The following FBN2 variants were observed in gnomAD, a reference collection of about 807,000 sequenced individuals.
FBN2 encodes the protein fibrillin-2.
FBN2 carries 105 observed loss-of-function variants against 355.6 expected under a neutral mutation model. The observed-to-expected ratio is 0.30, with a 90% CI of 0.25 to 0.35. The LOEUF (loss-of-function observed/expected upper bound fraction) is 0.35, where lower values mean the gene tolerates loss of function less well. Ranked by LOEUF, FBN2 falls within the 10% of genes least tolerant of loss-of-function variation. The probability of loss-of-function intolerance (pLI) is 1.00; values close to 1 mark genes in which losing one functional copy is unlikely to be tolerated. For synonymous variants in FBN2, 1,350 were observed against 1,301.2 expected (o/e 1.04, Z -0.81); for missense variants, 3,280 against 3,758.7 (o/e 0.87, Z 3.33).
At chr5:128,459,336 GA>G (rs1471924477) in intron 6 of FBN2, among the ~76,000 whole-genome samples, 6 of 152,206 alleles carry the variant, frequency 3.9e-5, no homozygotes, top group Middle Eastern at 3.4e-3. Flanking sequence ...AAAACCTCAG[GA>G]CCAGACGGAT....
intron 21 of FBN2, among the ~76,000 whole-genome samples, chr5:128,350,287 C>T (rs563895296): frequency 4.6e-5 from 7 of 152,240 alleles, no homozygotes; most frequent in Non-Finnish European, 8.8e-5. Context: ...AGGTCAGGCG[C>T]GGTGGCTCAC....
At chr5:128,280,420 ATAC>A (rs1765505500) in intron 55 of FBN2, 103 bp from the exon 56 acceptor site, 1 of 851,568 alleles carries the variant, frequency 1.2e-6, no homozygotes, top group Non-Finnish European at 2.0e-6. Flanking sequence ...CTTTGCCAAA[ATAC>A]TAATATGATG....
chr5:128,430,168 T>G (rs538444986), intron 7 of FBN2, among the ~76,000 whole-genome samples: 2 of 152,252 alleles, frequency 1.3e-5, no homozygotes, highest in South Asian at 4.1e-4. Flanking sequence ...AAATATTACT[T>G]GCAAATATTT....
rs562457772 is a variant in FBN2, at chr5:128,404,145, C to A, written c.1078+4529G>T. Among the ~76,000 whole-genome samples the A allele has an allele frequency of 7.9e-5, 12 of 152,254 alleles. No individual in the cohort carries two copies. In the East Asian group the frequency reaches 1.3e-3, roughly 17 times the overall value. ...ATGTGGTTAGAAAATAAATAGCGTG[C>A]AAATATCTCCAACATATATAATTCA... is the stretch of plus-strand genomic sequence containing the variant. On this transcript the variant is annotated intron_variant, in intron 8 of 64. Coordinates refer to ENST00000262464, the MANE Select transcript of FBN2 (RefSeq NM_001999.4).
At chr5:128,463,300 T>A (rs564276889) in intron 6 of FBN2, among the ~76,000 whole-genome samples, 1 of 152,148 alleles carries the variant, frequency 6.6e-6, no homozygotes, top group East Asian at 1.9e-4. Flanking sequence ...CTAATATTCA[T>A]ACCAAAACAT....
chr5:128,428,790 C>T (rs1281665768), intron 7 of FBN2, among the ~76,000 whole-genome samples: 2 of 152,160 alleles, frequency 1.3e-5, no homozygotes, highest in South Asian at 2.1e-4. Flanking sequence ...GACGGAACTC[C>T]GTAAATATAT....
chr5:128,280,246 T>C lies in FBN2; in HGVS notation c.7084A>G (p.Arg2362Gly), dbSNP rs1311747876. The change falls in exon 56 of 65, where the codon AGA becomes GGA. Residue 2362 changes from arginine (R) to glycine (G), a missense_variant. This residue lies in a region of FBN2 where 2,284 missense variants were observed against 2,749.5 expected (regional missense o/e 0.83). Coordinates refer to ENST00000262464, the MANE Select transcript of FBN2 (RefSeq NM_001999.4). ...TGGAATCCTTCATTACACTCACATC[T>C]ATAGCTTCCAATAATGTTAACACAA... is the stretch of plus-strand genomic sequence containing the variant. ...GRCVNIIGSY[R>G]CECNEGFQSS... is the part of the protein sequence containing the mutation. 6.2e-7 allele frequency: 1 copy of C among 1,611,512 alleles called. No homozygotes were observed.
intron 34 of FBN2, among the ~76,000 whole-genome samples, chr5:128,325,519 G>A (rs1335073726): frequency 2.0e-5 from 3 of 152,130 alleles, no homozygotes; most frequent in Non-Finnish European, 4.4e-5. Context: ...CGTGAGATGC[G>A]TTGCCTTTTC....
At chr5:128,284,340 A>T (rs1749074245) in intron 55 of FBN2, among the ~76,000 whole-genome samples, 1 of 152,154 alleles carries the variant, frequency 6.6e-6, no homozygotes, top group South Asian at 2.1e-4. Flanking sequence ...ATGAACCTAG[A>T]TTGCTAACAT....
chr5:128,394,133 A>G (rs1354933284), intron 9 of FBN2, among the ~76,000 whole-genome samples: 3 of 152,204 alleles, frequency 2.0e-5, no homozygotes, highest in African/African-American at 7.2e-5. Context: ...TTAATGTGTC[A>G]TGATATCTTT....
intron 25 of FBN2, among the ~76,000 whole-genome samples, chr5:128,343,407 TG>T (rs758555448): frequency 2.6e-5 from 4 of 151,892 alleles, no homozygotes; most frequent in Non-Finnish European, 5.9e-5. Context: ...TGGACAGCTG[TG>T]AAAAGCTCAG....
intron 5 of FBN2, among the ~76,000 whole-genome samples, chr5:128,502,474 A>G (rs1040415492): frequency 5.9e-5 from 9 of 152,196 alleles, no homozygotes; most frequent in Non-Finnish European, 1.2e-4. Context: ...AGTTAAACTT[A>G]TCCAAGTTGG....
intron 5 of FBN2, among the ~76,000 whole-genome samples, chr5:128,477,157 C>T (rs1170873956): frequency 6.6e-6 from 1 of 152,080 alleles, no homozygotes; most frequent in Admixed American, 6.5e-5. Flanking sequence ...AATTTAAATT[C>T]CATAAAGTAA....
At position 128,537,947 on chromosome 5, in the gene FBN2, C is replaced by T. The variant is rs564044015; in HGVS notation, c.-344G>A. 3 of 355,648 alleles carry T rather than the reference C, an allele frequency of 8.4e-6. No individual in the cohort carries two copies. The South Asian group carries it at 1.8e-4, about 22-fold the overall frequency. 22.0% of individuals were successfully genotyped at this position (355,648 alleles called of 1,614,324 possible). On this transcript the variant is annotated 5_prime_UTR_variant, in exon 1 of 65. Coordinates refer to ENST00000262464, the MANE Select transcript of FBN2 (RefSeq NM_001999.4). ...GGGGAGGAAATTACAAAAGCCCTGG[C>T]GTAAAATTTCAAAAAATGTGAACCT...
rs146480747 is a variant in FBN2, at chr5:128,482,446, T to C, written c.629-17525A>G. Among the ~76,000 whole-genome samples, 1,011 of 152,314 alleles carry C rather than the reference T, an allele frequency of 6.6e-3. 55 individuals carry two copies. The highest frequency in any genetic ancestry group is 0.054 in the Admixed American group (819 of 15,292). On this transcript the variant is annotated intron_variant, in intron 5 of 64. Coordinates refer to ENST00000262464, the MANE Select transcript of FBN2 (RefSeq NM_001999.4). ...ATTCAATGATCTACCCAATGCATTCTTTTATTATTTTTAGTTCAATGAGGC... is the reference window on the plus strand; with the variant it reads ...ATTCAATGATCTACCCAATGCATTCCTTTATTATTTTTAGTTCAATGAGGC...
chr5:128,339,172 A>C (rs2126904099), intron 25 of FBN2, 111 bp from the exon 26 acceptor site: 2 of 1,112,512 alleles, frequency 1.8e-6, no homozygotes, highest in East Asian at 4.9e-5. Context: ...CTAACAGTAC[A>C]AGGGTATGTT....
chr5:128,283,039 C>T (rs935605914), intron 55 of FBN2, among the ~76,000 whole-genome samples: 16 of 152,208 alleles, frequency 1.1e-4, no homozygotes, highest in African/African-American at 3.6e-4. Flanking sequence ...CATCTCTCCC[C>T]TATGAACCAC....
chr5:128,299,590 T>A (rs867788703), intron 48 of FBN2, among the ~76,000 whole-genome samples: 1 of 152,128 alleles, frequency 6.6e-6, no homozygotes, highest in Non-Finnish European at 1.5e-5. Flanking sequence ...ATTCTCCAGG[T>A]GCCGTCTGTC....
chr5:128,437,402 T>C (rs934178608), intron 7 of FBN2, among the ~76,000 whole-genome samples: 3 of 152,190 alleles, frequency 2.0e-5, no homozygotes, highest in African/African-American at 7.2e-5. Context: ...TAAAACTCTT[T>C]TGTAACGTTT....
Sources: allele counts gnomAD v4.1 joint callset (sites outside exome capture counted in the v4.1 genomes callset), GRCh38; gene constraint gnomAD v4.1.1; regional missense constraint gnomAD v4.1.1; transcripts MANE v1.5; gene names NCBI Gene and HGNC (gene_info 2026-07-23, HGNC 2026-07-21).